USH2A: variants seen among roughly 807,000 people sequenced by gnomAD.
The protein encoded by USH2A is Usher syndrome 2A (autosomal recessive, mild).
USH2A carries 443 observed loss-of-function variants against 538.9 expected under a neutral mutation model. That is an observed-to-expected ratio of 0.82 (90% CI 0.76 to 0.89). The LOEUF (loss-of-function observed/expected upper bound fraction) is 0.89, where lower values mean the gene tolerates loss of function less well. Among genes scored for constraint, USH2A ranks in the 40% least tolerant of loss-of-function variants. The pLI is 0.00. For synonymous variants in USH2A, 2,413 were observed against 2,273.5 expected, an observed-to-expected ratio of 1.06 and a Z score of -1.75; for missense variants, 6,633 against 6,324.8, an observed-to-expected ratio of 1.05 and a Z score of -1.65.
intron 9 of USH2A, among the ~76,000 whole-genome samples, chr1:216,302,050 T>C (rs914587221): frequency 1.3e-5 from 2 of 152,210 alleles, no homozygotes; most frequent in East Asian, 1.9e-4. Flanking sequence ...GGTATCTTTT[T>C]TCCAATGGAA....
intron 63 of USH2A, among the ~76,000 whole-genome samples, chr1:215,672,838 C>T (rs1022198423): frequency 2.6e-5 from 4 of 152,212 alleles, no homozygotes; most frequent in African/African-American, 9.6e-5. Context: ...AGATTTCTCT[C>T]ACATTCTTAA....
At chr1:216,358,724 T>A (rs1344355031) in intron 4 of USH2A, among the ~76,000 whole-genome samples, 3 of 152,130 alleles carry the variant, frequency 2.0e-5, no homozygotes, top group Admixed American at 2.0e-4. Flanking sequence ...CTCTCAGATG[T>A]CAAGAACATA....
chr1:216,175,213 T>C, intron 21 of USH2A, 39 bp downstream of exon 21: 1 of 1,612,582 alleles, frequency 6.2e-7, no homozygotes, highest in Non-Finnish European at 8.5e-7. Flanking sequence ...ATTTTGGAGC[T>C]TCGTGTCTCC....
Position 216,247,104 on chromosome 1 carries a change from C to T in USH2A, c.2290G>A (p.Gly764Arg), listed in dbSNP as rs1296963096. The T allele has an allele frequency of 1.2e-6, 2 of 1,613,864 alleles. No individual in the cohort carries two copies. The highest frequency in any genetic ancestry group is 1.3e-5 in the African/African-American group (1 of 74,882). The change falls in exon 13 of 72, where the codon GGG becomes AGG. Residue 764 changes from glycine (G) to arginine (R), a missense_variant. By Grantham distance (125) the Gly-to-Arg change is moderately radical. Transcript: ENST00000307340. ...SVNKFCNPHS[G>R]QCECKKEAKG... is the part of the protein sequence containing the mutation. ...GCTTCTTTTTTGCACTCACACTGCC[C>T]AGAGTGAGGATTGCAGAATTTGTTC...
At chr1:216,046,182 G>C (rs1384395966) in intron 32 of USH2A, among the ~76,000 whole-genome samples, 1 of 151,900 alleles carries the variant, frequency 6.6e-6, no homozygotes, top group Non-Finnish European at 1.5e-5. Context: ...CCTCCTGTAT[G>C]CTTTAAATCA....
At chr1:215,958,366 T>C (rs972312666) in intron 37 of USH2A, among the ~76,000 whole-genome samples, 3 of 152,148 alleles carry the variant, frequency 2.0e-5, no homozygotes, top group African/African-American at 4.8e-5. Flanking sequence ...GTAAGCCTAT[T>C]CTGGGTGCTA....
At position 216,289,652 on chromosome 1, in the gene USH2A, A is replaced by T. The variant is rs528547783; in HGVS notation, c.1841-242T>A. Among the ~76,000 whole-genome samples, 8 of 152,236 alleles carry T rather than the reference A, an allele frequency of 5.3e-5. No homozygotes were observed. The East Asian group carries it at 9.7e-4, about 18-fold the overall frequency. On this transcript the variant is annotated intron_variant, in intron 10 of 71. Transcript: ENST00000307340. ...GTTATATAATACCACACTTCTAAAA[A>T]GCTGTGCTTTATAGGGGCCCATACA... is the stretch of plus-strand genomic sequence containing the variant.
rs1463480457 is a variant in USH2A at position 216,078,164 on chromosome 1, C to T, written c.5497G>A (p.Val1833Met). Residue 1833 changes from valine to methionine, a missense_variant, in exon 27 of 72, where the codon GTG becomes ATG. Coordinates refer to ENST00000307340, the MANE Select transcript of USH2A (RefSeq NM_206933.4). The stretch of plus-strand genomic sequence containing the variant: ...CCTCCCACATAAACTGGTGAATTCA[C>T]CACCAGTGGCTGGTCTCCGGACTCC... ...ASESGDQPLV[V>M]NSPVYVGGIP... 6.8e-6 allele frequency: 11 copies of T among 1,613,650 alleles called. No homozygotes were observed. Among genetic ancestry groups the T allele is most frequent in the East Asian group, 2.2e-5 (1 of 44,852 alleles).
At chr1:215,821,711 A>T (rs1351910808) in intron 47 of USH2A, among the ~76,000 whole-genome samples, 1 of 151,786 alleles carries the variant, frequency 6.6e-6, no homozygotes, top group East Asian at 1.9e-4. Context: ...GCATCTCCCC[A>T]ATGCTTTCTT....
chr1:216,301,457 G>T (rs1026150550), intron 9 of USH2A, among the ~76,000 whole-genome samples: 1 of 152,150 alleles, frequency 6.6e-6, no homozygotes, highest in Non-Finnish European at 1.5e-5. Flanking sequence ...TTCCTTCAAA[G>T]ACCTCACTTC....
At chr1:216,013,561 A>G (rs1375642795) in intron 32 of USH2A, among the ~76,000 whole-genome samples, 9 of 152,086 alleles carry the variant, frequency 5.9e-5, no homozygotes, top group African/African-American at 2.2e-4. Flanking sequence ...TTCCACCACG[A>G]AAGAAGTGAA....
intron 13 of USH2A, among the ~76,000 whole-genome samples, chr1:216,242,185 G>C (rs1228421031): frequency 5.1e-5 from 1 of 19,568 alleles, no homozygotes; most frequent in Non-Finnish European, 9.4e-5. Context: ...CCCCATCTCT[G>C]CTTTAAAAAA....
intron 37 of USH2A, among the ~76,000 whole-genome samples, chr1:215,942,916 T>C (rs902863656): frequency 6.6e-6 from 1 of 152,146 alleles, no homozygotes; most frequent in Non-Finnish European, 1.5e-5. Context: ...GTGTGGGAGA[T>C]ACATGTGAAT....
At chr1:216,245,746 C>T (rs1288805595) in intron 13 of USH2A, among the ~76,000 whole-genome samples, 1 of 152,108 alleles carries the variant, frequency 6.6e-6, no homozygotes, top group Non-Finnish European at 1.5e-5. Flanking sequence ...AAAAGCATGG[C>T]CCAATTATCC....
chr1:215,729,739 T>C (rs1355671019), intron 60 of USH2A, among the ~76,000 whole-genome samples: 1 of 152,176 alleles, frequency 6.6e-6, no homozygotes, highest in African/African-American at 2.4e-5. Flanking sequence ...CAAGAAATCC[T>C]CCTGCCTCAG....
At chr1:216,378,714 G>A (rs746568443) in intron 3 of USH2A, among the ~76,000 whole-genome samples, 3 of 151,182 alleles carry the variant, frequency 2.0e-5, no homozygotes, top group Non-Finnish European at 4.4e-5. Flanking sequence ...CCCCTCACCA[G>A]GCACACATGT....
chr1:216,093,121 C>A (rs1007582925), intron 22 of USH2A, among the ~76,000 whole-genome samples: 6 of 152,146 alleles, frequency 3.9e-5, no homozygotes, highest in African/African-American at 1.4e-4. Context: ...CCTGCCACCA[C>A]GCCCAGCTAA....
At chr1:215,844,265 G>A (rs1212205749) in intron 46 of USH2A, 29 bp downstream of exon 46, 3 of 1,605,910 alleles carry the variant, frequency 1.9e-6, no homozygotes, top group Non-Finnish European at 8.5e-7. Flanking sequence ...ATATCCATAA[G>A]CCTAACCATC....
chr1:216,086,339 C>A (rs1163870945), intron 24 of USH2A, among the ~76,000 whole-genome samples: 3 of 152,068 alleles, frequency 2.0e-5, no homozygotes, highest in South Asian at 4.1e-4. Context: ...AGGGAATGTT[C>A]TTCACCCTAT....
Sources: gnomAD v4.1 joint callset for allele counts (sites outside exome capture counted in the v4.1 genomes callset) on GRCh38, gnomAD v4.1.1 for gene constraint, MANE v1.5 for transcripts, NCBI Gene and HGNC (gene_info 2026-07-23, HGNC 2026-07-21) for gene names.